The following USP9X variants were observed in gnomAD, a reference collection of about 807,000 sequenced individuals.
The protein encoded by USP9X is ubiquitin carboxyl-terminal hydrolase 9X.
USP9X carries 7 observed loss-of-function variants against 190.3 expected under a neutral mutation model. The ratio of observed to expected loss-of-function variants is 0.04; its 90% CI spans 0.02 to 0.07. The LOEUF is 0.07. Among genes scored for constraint, USP9X ranks in the 10% least tolerant of loss-of-function variants. The pLI is 1.00. For missense variants in USP9X, 1,010 were observed against 1,916.9 expected, an observed-to-expected ratio of 0.53 and a Z score of 8.83; for synonymous variants, 645 against 659.5, an observed-to-expected ratio of 0.98 and a Z score of 0.34.
chrX:41,094,630 A>T (rs963321729), intron 1 of USP9X, among the ~76,000 whole-genome samples: 2 of 111,321 alleles, frequency 1.8e-5, no homozygotes, highest in Non-Finnish European at 3.8e-5. Flanking sequence ...ATATAGATTC[A>T]GTTAGTACGC....
Position 41,223,337 on chromosome X carries a change from A to G in USP9X, c.6686A>G (p.Tyr2229Cys), listed in dbSNP as rs760960427. 1 of 1,210,056 alleles carries G rather than the reference A, an allele frequency of 8.3e-7. No individual in the cohort carries two copies. Among genetic ancestry groups the G allele is most frequent in the South Asian group, 1.8e-5 (1 of 56,847 alleles). The stretch of plus-strand genomic sequence containing the variant: ...CAGTATGCTGAATTAGGCAAATTAT[A>G]CTCAGTAGTGTCACAGCTGATCCGC... ...KYQYAELGKL[Y>C]SVVSQLIRCC... Residue 2229 changes from tyrosine to cysteine, a missense_variant, in exon 39 of 45, where the codon TAC (tyrosine) becomes TGC (cysteine). Around this residue, in one of 11 missense-constraint regions of USP9X, gnomAD observed 121 missense variants for 281.2 expected, o/e 0.43. Coordinates refer to ENST00000378308, the MANE Select transcript of USP9X (RefSeq NM_001039591.3).
intron 19 of USP9X, 67 bp downstream of exon 19, chrX:41,170,302 T>C: frequency 8.9e-7 from 1 of 1,117,711 alleles, no homozygotes; most frequent in Non-Finnish European, 1.2e-6. Flanking sequence ...AATCAGTAAA[T>C]ACTAATTGAG....
intron 13 of USP9X, among the ~76,000 whole-genome samples, chrX:41,152,614 A>G (rs1272408697): frequency 8.9e-6 from 1 of 111,928 alleles, no homozygotes; most frequent in Non-Finnish European, 1.9e-5. Flanking sequence ...TAGTCTTGCA[A>G]AAAATGTTTC....
At chrX:41,106,368 T>C (rs1273925660) in intron 1 of USP9X, among the ~76,000 whole-genome samples, 8 of 111,221 alleles carry the variant, frequency 7.2e-5, no homozygotes, top group Admixed American at 5.8e-4. Context: ...ACATGTTGTG[T>C]TACACAATGC....
intron 30 of USP9X, among the ~76,000 whole-genome samples, chrX:41,199,299 G>T (rs767788134): frequency 8.9e-6 from 1 of 112,771 alleles, no homozygotes; most frequent in African/African-American, 3.2e-5. Flanking sequence ...AAGTGGTGTC[G>T]CCATTTGGCA....
rs763788863 is a variant in USP9X at position 41,126,961 on chromosome X, C to G, written c.97-2039C>G. On this transcript the variant is annotated intron_variant, in intron 2 of 44. Coordinates refer to ENST00000378308, the MANE Select transcript of USP9X (RefSeq NM_001039591.3). ...TTAGGCTTTAGTATGTAGTAAAACT[C>G]GATAAATGAAACAGCCTTGGCAGAG... Among the ~76,000 whole-genome samples the G allele has an allele frequency of 7.2e-5, 8 of 110,707 alleles. No individual in the cohort carries two copies. The South Asian group carries it at 3.0e-3, about 42-fold the overall frequency.
intron 28 of USP9X, 23 bp from the exon 29 acceptor site, chrX:41,197,341 A>AAGGG: frequency 3.5e-6 from 1 of 288,797 alleles, no homozygotes; most frequent in Non-Finnish European, 5.1e-6. Flanking sequence ...TCCCCCCCCC[A>AAGGG]CCCCACCCCC....
Position 41,171,792 on chromosome X carries a change from G to A in USP9X, c.3028-46G>A, listed in dbSNP as rs771685700. 4.2e-6 allele frequency: 5 copies of A among 1,176,644 alleles called. No individual in the cohort carries two copies. The Admixed American group carries it at 9.0e-5, about 21-fold the overall frequency. ...ACTTACTTGGGCTTTTATAAAACGG[G>A]AGTAAATAATTTAGAGGTAATTATT... On this transcript the variant is annotated intron_variant, in intron 20 of 44. Coordinates refer to ENST00000378308, the MANE Select transcript of USP9X (RefSeq NM_001039591.3).
intron 30 of USP9X, among the ~76,000 whole-genome samples, chrX:41,199,250 A>G (rs188677716): frequency 1.2e-3 from 137 of 112,254 alleles, no homozygotes; most frequent in Middle Eastern, 4.6e-3. Flanking sequence ...ACCACCTTGT[A>G]TAGAAAAAAA....
Position 41,233,563 on chromosome X carries a change from T to G in USP9X, c.*1039T>G, listed in dbSNP as rs1205853534. 8.9e-6 allele frequency: 1 copy of G among 112,238 alleles called. No individual in the cohort carries two copies. The highest frequency in any genetic ancestry group is 1.9e-5 in the Non-Finnish European group (1 of 53,243). The allele number at this position is 112,238 out of a possible 1,213,427, so 9.2% of individuals were successfully genotyped here. On this transcript the variant is annotated 3_prime_UTR_variant, in exon 45 of 45. Transcript: ENST00000378308. Reference sequence around the variant, plus strand: ...CTTCTAAAACTTTCCTTCTGTTGGATCCCAGTGACGTGGAAGTCATCAGAA... The same window carrying G: ...CTTCTAAAACTTTCCTTCTGTTGGAGCCCAGTGACGTGGAAGTCATCAGAA...
intron 5 of USP9X, among the ~76,000 whole-genome samples, chrX:41,135,438 G>C (rs2062363507): frequency 9.0e-6 from 1 of 111,607 alleles, no homozygotes; most frequent in Admixed American, 9.5e-5. Context: ...TCTCATGTCG[G>C]TAGTGCCCCC....
In USP9X at chrX:41,112,139, C is replaced by G. The variant is rs746035035; in HGVS notation, c.-158-11332C>G. The stretch of plus-strand genomic sequence containing the variant: ...GGATTACAGGCGTCAGCCACTGCGC[C>G]CAGCCAGTCTTTGAAGATTTTTAAG... On this transcript the variant is annotated intron_variant, in intron 1 of 44. Coordinates refer to ENST00000378308, the MANE Select transcript of USP9X (RefSeq NM_001039591.3). Among the ~76,000 whole-genome samples the G allele has an allele frequency of 2.0e-4, 23 of 112,545 alleles. No homozygotes were observed. In the East Asian group the frequency reaches 6.4e-3, roughly 31 times the overall value.
intron 1 of USP9X, among the ~76,000 whole-genome samples, chrX:41,112,803 CA>C (rs1449421290): frequency 2.7e-5 from 3 of 112,506 alleles, no homozygotes; most frequent in African/African-American, 9.7e-5. Context: ...GTAATGTTTG[CA>C]AATGAGATTA....
chrX:41,213,621 T>G (rs141404865), intron 33 of USP9X, among the ~76,000 whole-genome samples: 17,171 of 111,311 alleles, frequency 0.15, 1,190 homozygotes, highest in East Asian at 0.41. Context: ...TAAGATAAAT[T>G]TACTATCTGG....
rs2062721086 is a variant in USP9X, at chrX:41,171,069, A to G, written c.3027+450A>G. 3.6e-5 allele frequency among the ~76,000 whole-genome samples: 4 copies of G among 112,140 alleles called. No homozygotes were observed. The South Asian group carries it at 1.5e-3, about 42-fold the overall frequency. ...AATTTTCTGTCCACATTTGATTGGGAAAAAAGTCTGCATGTAAATGGACCT... is the reference window on the plus strand; with the variant it reads ...AATTTTCTGTCCACATTTGATTGGGGAAAAAGTCTGCATGTAAATGGACCT... On this transcript the variant is annotated intron_variant, in intron 20 of 44. Coordinates refer to ENST00000378308, the MANE Select transcript of USP9X (RefSeq NM_001039591.3).
chrX:41,100,074 C>A (rs751868028), intron 1 of USP9X, among the ~76,000 whole-genome samples: 1 of 112,079 alleles, frequency 8.9e-6, no homozygotes, highest in East Asian at 2.8e-4. Flanking sequence ...GACAGCATTT[C>A]ATCTTACATA....
At chrX:41,227,936 G>A (rs2063328885) in intron 41 of USP9X, among the ~76,000 whole-genome samples, 2 of 112,146 alleles carry the variant, frequency 1.8e-5, no homozygotes, top group South Asian at 7.4e-4. Context: ...TCCTGACCTC[G>A]TGATCCGCCC....
At chrX:41,161,612 A>G (rs1011598649) in intron 14 of USP9X, among the ~76,000 whole-genome samples, 1 of 92,709 alleles carries the variant, frequency 1.1e-5, no homozygotes, top group Admixed American at 1.3e-4. Flanking sequence ...CTAGGATTAC[A>G]GGCGTGAGCC....
At chrX:41,198,506 A>G (rs1397383030) in intron 29 of USP9X, 22 bp from the exon 30 acceptor site, 2 of 1,143,072 alleles carry the variant, frequency 1.7e-6, no homozygotes, top group South Asian at 3.8e-5. Context: ...GCTAATATGT[A>G]ATCCCTTTTT....
Sources: allele counts gnomAD v4.1 joint callset (sites outside exome capture counted in the v4.1 genomes callset), GRCh38; gene constraint gnomAD v4.1.1; regional missense constraint gnomAD v4.1.1; transcripts MANE v1.5; gene names NCBI Gene and HGNC (gene_info 2026-07-23, HGNC 2026-07-21).